DLG2: variants seen among roughly 807,000 people sequenced by gnomAD.
DLG2 encodes discs large MAGUK scaffold protein 2.
Under a neutral mutation model 132.5 loss-of-function variants are expected in DLG2, and 45 were observed. That is an observed-to-expected ratio of 0.34 (90% CI 0.27 to 0.44). The LOEUF is 0.44. DLG2 is among the 20% of genes least tolerant of loss of function. DLG2 has a pLI of 1.00. For synonymous variants in DLG2, 424 were observed against 419.6 expected (o/e 1.01, Z -0.13); for missense variants, 1,045 against 1,196.9 (o/e 0.87, Z 1.87).
chr11:84,106,234 C>T (rs2092902593), intron 9 of DLG2, among the ~76,000 whole-genome samples: 1 of 152,104 alleles, frequency 6.6e-6, no homozygotes, highest in Admixed American at 6.6e-5. Flanking sequence ...AGTCATTTTA[C>T]TTTGAAAAGT....
intron 2 of DLG2, among the ~76,000 whole-genome samples, chr11:85,611,177 A>G (rs2080974211): frequency 6.6e-6 from 1 of 152,218 alleles, no homozygotes; most frequent in African/African-American, 2.4e-5. Flanking sequence ...TGTAGTAGCA[A>G]AAGGCTGGCC....
intron 7 of DLG2, among the ~76,000 whole-genome samples, chr11:84,380,174 T>C (rs923618025): frequency 6.6e-6 from 1 of 152,008 alleles, no homozygotes; most frequent in Non-Finnish European, 1.5e-5. Context: ...AAATAGATGC[T>C]CATGGAAACC....
chr11:84,503,356 G>C (rs1440150134), intron 7 of DLG2, among the ~76,000 whole-genome samples: 1 of 152,160 alleles, frequency 6.6e-6, no homozygotes, highest in African/African-American at 2.4e-5. Flanking sequence ...AATGTCCCTA[G>C]ATTACATTTT....
At chr11:84,222,572 C>T (rs1261209393) in intron 8 of DLG2, among the ~76,000 whole-genome samples, 3 of 152,082 alleles carry the variant, frequency 2.0e-5, no homozygotes, top group Admixed American at 6.5e-5. Flanking sequence ...GGAAATTTTA[C>T]AAAATATTTT....
intron 4 of DLG2, among the ~76,000 whole-genome samples, chr11:85,166,333 G>C (rs1402585824): frequency 6.6e-6 from 1 of 151,934 alleles, no homozygotes; most frequent in Non-Finnish European, 1.5e-5. Flanking sequence ...CCCAATTTCT[G>C]GTCCTACATT....
rs372008403 is a variant in DLG2, at chr11:84,878,434, T to C, written c.357+233227A>G. Reference sequence around the variant, plus strand: ...ACATGGATGAAGCTGGAAACCATCATTCTCAGCAAACTAACACAGGAACAG... The same window carrying C: ...ACATGGATGAAGCTGGAAACCATCACTCTCAGCAAACTAACACAGGAACAG... On this transcript the variant is annotated intron_variant, in intron 6 of 27. Coordinates refer to ENST00000376104, the MANE Select transcript of DLG2 (RefSeq NM_001142699.3). Among the ~76,000 whole-genome samples the C allele has an allele frequency of 2.6e-5, 4 of 152,108 alleles. No homozygotes were observed. In the South Asian group the frequency reaches 8.3e-4, roughly 32 times the overall value.
chr11:85,268,001 T>C (rs941163924), intron 4 of DLG2, among the ~76,000 whole-genome samples: 1 of 152,176 alleles, frequency 6.6e-6, no homozygotes, highest in Admixed American at 6.5e-5. Flanking sequence ...AACTGCTCCC[T>C]GTATTTAATT....
chr11:84,487,751 A>G (rs1603119969), intron 7 of DLG2, among the ~76,000 whole-genome samples: 2 of 152,264 alleles, frequency 1.3e-5, no homozygotes, highest in South Asian at 4.1e-4. Context: ...GATTGTGTAA[A>G]GGACACAGCT....
chr11:85,134,697 CAT>C (rs996657470), intron 5 of DLG2, among the ~76,000 whole-genome samples: 35 of 152,012 alleles, frequency 2.3e-4, no homozygotes, highest in African/African-American at 8.2e-4. Context: ...CAGAAACTGA[CAT>C]GTCATTATTT....
intron 19 of DLG2, among the ~76,000 whole-genome samples, chr11:83,601,510 C>CTTTTTTTT (rs71066054): frequency 0.037 from 3,512 of 94,570 alleles, 615 homozygotes; most frequent in East Asian, 0.056. Flanking sequence ...ATGTGATGTT[C>CTTTTTTTT]TTTTTTTTTT....
chr11:83,515,229 T>C (rs1318520390), intron 21 of DLG2, among the ~76,000 whole-genome samples: 1 of 152,238 alleles, frequency 6.6e-6, no homozygotes, highest in African/African-American at 2.4e-5. Context: ...TATTTAGAGA[T>C]TCAACTTCTT....
At chr11:84,066,208 C>A (rs566996798) in intron 10 of DLG2, among the ~76,000 whole-genome samples, 1 of 151,898 alleles carries the variant, frequency 6.6e-6, no homozygotes, top group Non-Finnish European at 1.5e-5. Flanking sequence ...CATGTACCCC[C>A]GAAACTAAAG....
intron 4 of DLG2, among the ~76,000 whole-genome samples, chr11:85,156,219 G>A (rs1438279039): frequency 6.6e-6 from 1 of 152,078 alleles, no homozygotes; most frequent in Non-Finnish European, 1.5e-5. Flanking sequence ...TTAGCATATT[G>A]TATTATAAAT....
intron 19 of DLG2, among the ~76,000 whole-genome samples, chr11:83,589,557 C>G (rs1471863615): frequency 6.6e-6 from 1 of 150,740 alleles, no homozygotes. Flanking sequence ...TAAAGACCAT[C>G]GAGACTAGGA....
intron 6 of DLG2, among the ~76,000 whole-genome samples, chr11:84,972,530 G>C (rs1174576035): frequency 1.3e-5 from 2 of 152,136 alleles, no homozygotes; most frequent in African/African-American, 4.8e-5. Flanking sequence ...GACTCCTTGG[G>C]TGATTCAAAC....
chr11:83,608,294 T>C (rs748043720), intron 19 of DLG2, among the ~76,000 whole-genome samples: 6 of 152,174 alleles, frequency 3.9e-5, no homozygotes, highest in Admixed American at 2.0e-4. Flanking sequence ...GCTTGATTTA[T>C]AGTATAGGTT....
intron 19 of DLG2, among the ~76,000 whole-genome samples, chr11:83,575,947 C>G (rs2096867260): frequency 6.6e-6 from 1 of 151,868 alleles, no homozygotes. Flanking sequence ...AATAACCAAT[C>G]AAAACGAACC....
intron 6 of DLG2, among the ~76,000 whole-genome samples, chr11:84,985,938 G>A (rs1478300022): frequency 1.6e-5 from 2 of 125,566 alleles, no homozygotes; most frequent in Admixed American, 1.1e-4. Flanking sequence ...GCTGCAGTGT[G>A]CCACGATTGC....
At chr11:84,694,249 G>C (rs893202370) in intron 6 of DLG2, among the ~76,000 whole-genome samples, 1 of 151,546 alleles carries the variant, frequency 6.6e-6, no homozygotes, top group Non-Finnish European at 1.5e-5. Flanking sequence ...CCTTAAGAGA[G>C]CTGTGGTTAT....
Sources: gnomAD v4.1 joint callset for allele counts (sites outside exome capture counted in the v4.1 genomes callset) on GRCh38, gnomAD v4.1.1 for gene constraint, MANE v1.5 for transcripts, NCBI Gene and HGNC (gene_info 2026-07-23, HGNC 2026-07-21) for gene names.